Variants in GGPS1 observed in about 807,000 individuals in gnomAD.
GGPS1 encodes the protein geranylgeranyl diphosphate synthase 1.
GGPS1 carries 15 observed loss-of-function variants against 28.1 expected under a neutral mutation model. That is an observed-to-expected ratio of 0.53 (90% CI 0.36 to 0.82). The LOEUF is 0.82. GGPS1 is among the 40% of genes least tolerant of loss of function. GGPS1 has a pLI of 0.01. For synonymous variants in GGPS1, 138 were observed against 122.4 expected, an observed-to-expected ratio of 1.13 and a Z score of -0.84; for missense variants, 284 against 348.3, an observed-to-expected ratio of 0.82 and a Z score of 1.47.
At position 235,341,931 on chromosome 1, in the gene GGPS1, TG is replaced by T. The variant is rs1676056552; in HGVS notation, c.142-79del. The T allele has an allele frequency of 3.1e-6, 3 of 977,386 alleles. No individual in the cohort carries two copies. In the Admixed American group the frequency reaches 7.9e-5, roughly 26 times the overall value. The allele number at this position is 977,386 out of a possible 1,614,324, so 60.5% of individuals were successfully genotyped here. A position where few individuals can be genotyped will look rare whatever the true frequency, so the allele number is the denominator to read the frequency against. The stretch of plus-strand genomic sequence containing the variant: ...TATTAGTTGTGAAAATTAACACACC[TG>T]AGACTTTCATAATCTGTTAATTAAA... On this transcript the variant is annotated intron_variant, in intron 3 of 3. Transcript: ENST00000282841.
rs537548544 is a variant in GGPS1, at chr1:235,340,465, A to G, written c.71-1243A>G. ...TCTCAAAAAAAAAAGCAAGAAGCGC[A>G]GTGGCTCACGCCTGTAATCCCAGCA... On this transcript the variant is annotated intron_variant, in intron 2 of 3. Coordinates refer to ENST00000282841, the MANE Select transcript of GGPS1 (RefSeq NM_004837.4). Among the ~76,000 whole-genome samples the G allele has an allele frequency of 2.6e-5, 4 of 151,022 alleles. No homozygotes were observed. In the South Asian group the frequency reaches 6.3e-4, roughly 24 times the overall value.
chr1:235,337,949 G>T (rs1675917265), intron 2 of GGPS1, among the ~76,000 whole-genome samples: 1 of 152,004 alleles, frequency 6.6e-6, no homozygotes, highest in African/African-American at 2.4e-5. Context: ...GGTGAAGGGT[G>T]GGATTAGGGA....
intron 1 of GGPS1, among the ~76,000 whole-genome samples, chr1:235,333,977 T>A (rs1675795126): frequency 6.6e-6 from 1 of 152,036 alleles, no homozygotes; most frequent in Admixed American, 6.6e-5. Context: ...TAGAAACAGA[T>A]ACAAAGAAAT....
intron 2 of GGPS1, among the ~76,000 whole-genome samples, chr1:235,341,394 G>C (rs547137444): frequency 6.6e-6 from 1 of 152,274 alleles, no homozygotes; most frequent in Non-Finnish European, 1.5e-5. Context: ...AGTCCTAAAA[G>C]CCCATCCTAC....
At position 235,341,697 on chromosome 1, in the gene GGPS1, T is replaced by C; in HGVS notation, c.71-11T>C. 1.4e-6 allele frequency: 2 copies of C among 1,466,852 alleles called. No homozygotes were observed. Among genetic ancestry groups the C allele is most frequent in the Non-Finnish European group, 1.9e-6 (2 of 1,049,186 alleles). 90.9% of individuals were successfully genotyped at this position (1,466,852 alleles called of 1,614,324 possible). A position where few individuals can be genotyped will look rare whatever the true frequency, so the allele number is the denominator to read the frequency against. On this transcript the variant is annotated splice_polypyrimidine_tract_variant and intron_variant, in intron 2 of 3. Transcript: ENST00000282841. ...CTTATCACATTGTCACATTTTATTT[T>C]TAAATTGCAGGTAAACAAGTGAGAA...
upstream of GGPS1, chr1:235,328,192 C>G (rs1417702980): frequency 4.7e-5 from 7 of 148,070 alleles, no homozygotes; most frequent in East Asian, 4.1e-4. Flanking sequence ...CGCTTCCCCC[C>G]CACCGACTCT....
intron 2 of GGPS1, among the ~76,000 whole-genome samples, chr1:235,339,402 A>T (rs1226042637): frequency 6.6e-6 from 1 of 152,038 alleles, no homozygotes; most frequent in Non-Finnish European, 1.5e-5. Context: ...CAGGAGGCGA[A>T]GGTTGTGGTG....
rs987012904 is a variant in GGPS1, at chr1:235,344,069, G to C, written c.*1297G>C. On this transcript the variant is annotated 3_prime_UTR_variant, in exon 4 of 4. Transcript: ENST00000282841. The stretch of plus-strand genomic sequence containing the variant: ...ATCAAACACTAATTAGCTTTTTAGT[G>C]CCTTAACCCTGACCTGGTTACCAGT... 1 of 158,900 alleles carries C rather than the reference G, an allele frequency of 6.3e-6. No individual in the cohort carries two copies. The highest frequency in any genetic ancestry group is 1.5e-5 in the Non-Finnish European group (1 of 67,614). The allele number at this position is 158,900 out of a possible 1,614,324, so 9.8% of individuals were successfully genotyped here. A position where few individuals can be genotyped will look rare whatever the true frequency, so the allele number is the denominator to read the frequency against.
chr1:235,340,309 C>T (rs1174307394), intron 2 of GGPS1, among the ~76,000 whole-genome samples: 1 of 151,926 alleles, frequency 6.6e-6, no homozygotes, highest in Non-Finnish European at 1.5e-5. Flanking sequence ...ACTGTCTCTA[C>T]AAAAACAAAA....
At chr1:235,340,758 A>AG (rs71172302) in intron 2 of GGPS1, among the ~76,000 whole-genome samples, 5 of 148,710 alleles carry the variant, frequency 3.4e-5, no homozygotes, top group Admixed American at 6.7e-5. Flanking sequence ...AAAAAAAAAA[A>AG]CAAGAAAGAA....
intron 2 of GGPS1, chr1:235,336,659 A>G (rs960201951): frequency 6.6e-6 from 1 of 152,174 alleles, no homozygotes; most frequent in Non-Finnish European, 1.5e-5. Flanking sequence ...AAGAAATAAT[A>G]TAAAAGTTGG....
At chr1:235,334,589 A>G (rs1436192115) in intron 1 of GGPS1, among the ~76,000 whole-genome samples, 1 of 152,220 alleles carries the variant, frequency 6.6e-6, no homozygotes, top group Non-Finnish European at 1.5e-5. Flanking sequence ...CTCATTAGCA[A>G]TTAGTCCCTG....
intron 2 of GGPS1, among the ~76,000 whole-genome samples, chr1:235,341,424 G>A (rs6666531): frequency 0.071 from 10,839 of 152,246 alleles, 662 homozygotes; most frequent in African/African-American, 0.17. Flanking sequence ...GTTTATTCAA[G>A]TTCAGATGAA....
intron 2 of GGPS1, among the ~76,000 whole-genome samples, chr1:235,340,184 T>A (rs1292894363): frequency 6.6e-6 from 1 of 152,116 alleles, no homozygotes; most frequent in Non-Finnish European, 1.5e-5. Flanking sequence ...AAGAAAAAGA[T>A]GATACTGTTG....
In GGPS1 at chr1:235,343,048, C is replaced by T; in HGVS notation, c.*276C>T. 3.8e-6 allele frequency: 1 copy of T among 266,570 alleles called. No individual in the cohort carries two copies. 16.5% of individuals were successfully genotyped at this position (266,570 alleles called of 1,614,324 possible). The stretch of plus-strand genomic sequence containing the variant: ...CATTGCCACCAACTCTATCCTACTA[C>T]CATCAATGTTGTGTTTATTCCGTCA... On this transcript the variant is annotated 3_prime_UTR_variant, in exon 4 of 4. Transcript: ENST00000282841.
At chr1:235,341,865 C>A in intron 3 of GGPS1, 87 bp downstream of exon 3, 1 of 930,758 alleles carries the variant, frequency 1.1e-6, no homozygotes, top group Non-Finnish European at 1.7e-6. Flanking sequence ...GAATTTAGTC[C>A]TCATGCAAGA....
chr1:235,332,760 A>G (rs1675754976), intron 1 of GGPS1, among the ~76,000 whole-genome samples: 1 of 152,224 alleles, frequency 6.6e-6, no homozygotes, highest in Non-Finnish European at 1.5e-5. Flanking sequence ...TTACAGTACT[A>G]GAATTGCCTT....
rs1675542244 is a variant in GGPS1 at position 235,328,626 on chromosome 1, T to A, written c.-176T>A. Reference sequence around the variant, plus strand: ...CAACTAATGCGGTGTCGCTGGCGGCTGAGGAGGGCGGAGAGTTCTGTGGTG... The same window carrying A: ...CAACTAATGCGGTGTCGCTGGCGGCAGAGGAGGGCGGAGAGTTCTGTGGTG... On this transcript the variant is annotated 5_prime_UTR_variant, in exon 1 of 4. Transcript: ENST00000282841. The A allele has an allele frequency of 2.0e-5, 3 of 152,912 alleles. No individual in the cohort carries two copies. Among genetic ancestry groups the A allele is most frequent in the South Asian group, 4.1e-4 (2 of 4,880 alleles). The allele number at this position is 152,912 out of a possible 1,614,324, so 9.5% of individuals were successfully genotyped here.
chr1:235,342,829 CT>C lies in GGPS1; in HGVS notation c.*61del. ...TTATTTTAGTTAATCTTTTTTTTGT[CT>C]TTTAGCCTTACCACCTTTTAAAAAA... On this transcript the variant is annotated 3_prime_UTR_variant, in exon 4 of 4. Transcript: ENST00000282841. The C allele has an allele frequency of 1.6e-6, 2 of 1,243,464 alleles. No individual in the cohort carries two copies. Among genetic ancestry groups the C allele is most frequent in the Non-Finnish European group, 2.2e-6 (2 of 891,366 alleles). The allele number at this position is 1,243,464 out of a possible 1,614,324, so 77.0% of individuals were successfully genotyped here.
Sources: allele counts gnomAD v4.1 joint callset (sites outside exome capture counted in the v4.1 genomes callset), GRCh38; gene constraint gnomAD v4.1.1; transcripts MANE v1.5; gene names NCBI Gene and HGNC (gene_info 2026-07-23, HGNC 2026-07-21).